Variants in MYCBPAP observed in about 807,000 individuals in gnomAD.
The protein encoded by MYCBPAP is MYCBP-associated protein.
MYCBPAP carries 60 observed loss-of-function variants against 106.1 expected under a neutral mutation model. That is an observed-to-expected ratio of 0.57 (90% CI 0.46 to 0.70). The LOEUF is 0.70. MYCBPAP is among the 30% of genes least tolerant of loss of function. The pLI is 0.00. For synonymous variants in MYCBPAP, 407 were observed against 440.6 expected (o/e 0.92, Z 0.95); for missense variants, 1,064 against 1,169.3 (o/e 0.91, Z 1.31).
At chr17:50,522,279 A>T in intron 10 of MYCBPAP, 198 bp downstream of exon 10, 1 of 503,336 alleles carries the variant, frequency 2.0e-6, no homozygotes, top group South Asian at 2.3e-5. Flanking sequence ...GTCATAAGCC[A>T]CTTGGGGCTT....
At chr17:50,525,067 G>T (rs550381936) in intron 13 of MYCBPAP, 44 bp downstream of exon 13, 1 of 1,578,872 alleles carries the variant, frequency 6.3e-7, no homozygotes, top group East Asian at 2.3e-5. Context: ...TGTGCCCTGC[G>T]TCAAGGGTCC....
At position 50,521,229 on chromosome 17, in the gene MYCBPAP, G is replaced by A; in HGVS notation, c.1032+4G>A. 2 of 1,609,318 alleles carry A rather than the reference G, an allele frequency of 1.2e-6. No individual in the cohort carries two copies. Among genetic ancestry groups the A allele is most frequent in the Non-Finnish European group, 8.5e-7 (1 of 1,177,808 alleles). ...AGAGCTGGATTTCAGCCAGCAGGTT[G>A]GTATGGCCTCCATGCCCCAGTCAGA... is the stretch of plus-strand genomic sequence containing the variant. On this transcript the variant is annotated splice_donor_region_variant and intron_variant, in intron 8 of 18. Coordinates refer to ENST00000323776, the MANE Select transcript of MYCBPAP (RefSeq NM_032133.6).
At chr17:50,527,842 G>T (rs964738748) in intron 15 of MYCBPAP, among the ~76,000 whole-genome samples, 1 of 152,164 alleles carries the variant, frequency 6.6e-6, no homozygotes, top group East Asian at 1.9e-4. Context: ...CTCATGCAAG[G>T]TTCAGCCCCT....
At position 50,510,507 on chromosome 17, in the gene MYCBPAP, A is replaced by C. The variant is rs781564364; in HGVS notation, c.76+1757A>C. On this transcript the variant is annotated intron_variant, in intron 1 of 18. Coordinates refer to ENST00000323776, the MANE Select transcript of MYCBPAP (RefSeq NM_032133.6). ...TGTGTGTGTGTGTGTGTGTATATATATATATATATATATATATATATATAT... is the reference window on the plus strand; with the variant it reads ...TGTGTGTGTGTGTGTGTGTATATATCTATATATATATATATATATATATAT... The C allele has an allele frequency of 8.7e-4, 90 of 103,076 alleles. 2 individuals are homozygous for C. The highest frequency in any genetic ancestry group is 4.0e-3 in the African/African-American group (82 of 20,364). 6.4% of individuals were successfully genotyped at this position (103,076 alleles called of 1,614,324 possible).
chr17:50,527,326 G>A lies in MYCBPAP; in HGVS notation c.2209G>A (p.Ala737Thr). The A allele has an allele frequency of 6.2e-7, 1 of 1,614,170 alleles. No individual in the cohort carries two copies. The highest frequency in any genetic ancestry group is 1.1e-5 in the South Asian group (1 of 91,080). Residue 737 changes from alanine (A) to threonine (T), a missense_variant, in exon 15 of 19, where the codon GCG becomes ACG. Physicochemically the swap from Ala to Thr is moderately conservative, Grantham distance 58. Coordinates refer to ENST00000323776, the MANE Select transcript of MYCBPAP (RefSeq NM_032133.6). ...CCCTGATGAGAACCACAGAGAGGAT[G>A]CGTTGATGAGGCTCAACAAAGCAGC... ...VLPDENHRED[A>T]LMRLNKAALE...
Position 50,523,643 on chromosome 17 carries a change from G to A in MYCBPAP, c.1494G>A (p.Lys498=), listed in dbSNP as rs2034355823. 3 of 1,614,218 alleles carry A rather than the reference G, an allele frequency of 1.9e-6. No homozygotes were observed. Among genetic ancestry groups the A allele is most frequent in the Non-Finnish European group, 2.5e-6 (3 of 1,180,048 alleles). The change falls in exon 12 of 19, where the codon AAG becomes AAA. Residue 498 remains lysine (K), a synonymous_variant. Transcript: ENST00000323776. ...TTAAAACATTTACCTTCTTCTTCAA[G>A]TCTTTGACTGCTGGGGTCTTCAGGG... ...GEIKTFTFFF[K]SLTAGVFREF... is the part of the protein sequence containing the mutation.
Position 50,509,399 on chromosome 17 carries a change from C to T in MYCBPAP, c.76+649C>T, listed in dbSNP as rs2033737949. ...ACCCTCTACAGCTTTCTTCTGGTTG[C>T]ACCTGGGAGAGCCACAGGGCGTCTG... On this transcript the variant is annotated intron_variant, in intron 1 of 18. Coordinates refer to ENST00000323776, the MANE Select transcript of MYCBPAP (RefSeq NM_032133.6). The T allele has an allele frequency of 2.4e-5, 11 of 453,040 alleles. No individual in the cohort carries two copies. The South Asian group carries it at 2.7e-4, about 11-fold the overall frequency. 28.1% of individuals were successfully genotyped at this position (453,040 alleles called of 1,614,324 possible). A position where few individuals can be genotyped will look rare whatever the true frequency, so the allele number is the denominator to read the frequency against.
At chr17:50,517,164 T>C (rs1353811994) in intron 2 of MYCBPAP, 129 bp from the exon 3 acceptor site, 8 of 827,770 alleles carry the variant, frequency 9.7e-6, no homozygotes, top group Non-Finnish European at 1.4e-5. Flanking sequence ...ACAGAACATA[T>C]GGACAGAGCT....
intron 10 of MYCBPAP, chr17:50,522,709 A>AAAAAAATAT: frequency 2.0e-5 from 1 of 50,018 alleles, no homozygotes; most frequent in African/African-American, 1.2e-4. Context: ...AAAAAAAAAA[A>AAAAAAATAT]ATATATATAT....
rs574403720 is a variant in MYCBPAP at position 50,522,129 on chromosome 17, G to A, written c.1257+48G>A. Reference sequence around the variant, plus strand: ...TGCTGGGAGAGCCTCCCTCAGGGGTGCAGCCCTGAGGTGACTGGCAGTTAC... The same window carrying A: ...TGCTGGGAGAGCCTCCCTCAGGGGTACAGCCCTGAGGTGACTGGCAGTTAC... On this transcript the variant is annotated intron_variant, in intron 10 of 18. Coordinates refer to ENST00000323776, the MANE Select transcript of MYCBPAP (RefSeq NM_032133.6). 4.1e-5 allele frequency: 63 copies of A among 1,523,914 alleles called. No homozygotes were observed. In the East Asian group the frequency reaches 1.2e-3, roughly 30 times the overall value. The allele number at this position is 1,523,914 out of a possible 1,614,324, so 94.4% of individuals were successfully genotyped here.
chr17:50,510,505 A>ATATATATATATATATATATG (rs2033803020), intron 1 of MYCBPAP: 1 of 102,508 alleles, frequency 9.8e-6, no homozygotes. Flanking sequence ...GTGTGTATAT[A>ATATATATATATATATATATG]TATATATATA....
intron 13 of MYCBPAP, 137 bp downstream of exon 13, chr17:50,525,160 G>T (rs920057369): frequency 9.5e-7 from 1 of 1,048,414 alleles, no homozygotes; most frequent in South Asian, 1.6e-5. Flanking sequence ...TCAGATCAGC[G>T]GTGGCATTAG....
chr17:50,527,478 C>A, intron 15 of MYCBPAP, 70 bp downstream of exon 15: 3 of 1,587,972 alleles, frequency 1.9e-6, no homozygotes, highest in Middle Eastern at 2.0e-4. Context: ...CCTGGGCAGG[C>A]AGTCCTGGGA....
At chr17:50,512,949 G>A (rs1411074405) in intron 1 of MYCBPAP, among the ~76,000 whole-genome samples, 1 of 152,132 alleles carries the variant, frequency 6.6e-6, no homozygotes, top group Non-Finnish European at 1.5e-5. Flanking sequence ...GGGTGCGGTG[G>A]CTCATGCCTG....
At position 50,519,077 on chromosome 17, in the gene MYCBPAP, G is replaced by A; in HGVS notation, c.756G>A (p.Arg252=). 1 of 1,610,294 alleles carries A rather than the reference G, an allele frequency of 6.2e-7. No individual in the cohort carries two copies. The highest frequency in any genetic ancestry group is 1.7e-4 in the Middle Eastern group (1 of 6,052). Residue 252 remains arginine (R), a synonymous_variant, in exon 6 of 19, where the codon CGG becomes CGA. Transcript: ENST00000323776. ...TCATTGACTGCACACTTCCAACCCG[G>A]CGTGATAGGAAAGTGAGGCCACCTG... is the stretch of plus-strand genomic sequence containing the variant. ...RELIDCTLPT[R]RDRKSWENSG...
Position 50,521,183 on chromosome 17 carries a change from G to A in MYCBPAP, c.990G>A (p.Lys330=). ...GTCTGTTTCTGATCTACCGACGCAA[G>A]GAGCTGCAGAGAATCATGGAAGAGC... ...DRSLFLIYRR[K]ELQRIMEELD... The change falls in exon 8 of 19, where the codon AAG becomes AAA. Residue 330 remains lysine (K), a synonymous_variant. Coordinates refer to ENST00000323776, the MANE Select transcript of MYCBPAP (RefSeq NM_032133.6). 6.2e-7 allele frequency: 1 copy of A among 1,613,766 alleles called. No homozygotes were observed. Among genetic ancestry groups the A allele is most frequent in the African/African-American group, 1.3e-5 (1 of 75,062 alleles).
At chr17:50,530,221 C>T (rs769934663) in intron 18 of MYCBPAP, 13 of 438,166 alleles carry the variant, frequency 3.0e-5, no homozygotes, top group South Asian at 1.6e-4. Context: ...AGACCAGGTG[C>T]GGTGGCTCGT....
chr17:50,518,506 T>TA (rs2034134647), intron 4 of MYCBPAP, 35 bp from the exon 5 acceptor site: 1 of 1,518,482 alleles, frequency 6.6e-7, no homozygotes, highest in Non-Finnish European at 8.8e-7. Flanking sequence ...AGAGCCTTCT[T>TA]ACTGCCCTCC....
chr17:50,527,371 C>T lies in MYCBPAP; in HGVS notation c.2254C>T (p.Pro752Ser), dbSNP rs2143993482. Reference protein sequence around the residue: ...NKAALELCQKPRPLQSNLLHQ... With the variant: ...NKAALELCQKSRPLQSNLLHQ... ...AGCAGCCCTGGAGCTGTGCCAGAAG[C>T]CAAGGCCATTGCAGTCCAACCTCCT... is the stretch of plus-strand genomic sequence containing the variant. Residue 752 changes from proline to serine, a missense_variant, in exon 15 of 19, where the codon CCA (proline) becomes TCA (serine). By Grantham distance (74) the Pro-to-Ser change is moderately conservative (BLOSUM62 -1). Transcript: ENST00000323776. 4 of 1,614,136 alleles carry T rather than the reference C, an allele frequency of 2.5e-6. No individual in the cohort carries two copies. The East Asian group carries it at 6.7e-5, about 27-fold the overall frequency.
Sources: gnomAD v4.1 joint callset for allele counts (sites outside exome capture counted in the v4.1 genomes callset) on GRCh38, gnomAD v4.1.1 for gene constraint, MANE v1.5 for transcripts, NCBI Gene and HGNC (gene_info 2026-07-23, HGNC 2026-07-21) for gene names.